Variants in RENBP observed in about 807,000 individuals in gnomAD.
The protein encoded by RENBP is N-acylglucosamine 2-epimerase.
A neutral mutation model predicts 37.8 loss-of-function variants in RENBP; 16 were observed. The ratio of observed to expected loss-of-function variants is 0.42; its 90% CI spans 0.29 to 0.64. RENBP has a LOEUF of 0.64. Among genes scored for constraint, RENBP ranks in the 30% least tolerant of loss-of-function variants. The probability of loss-of-function intolerance (pLI) is 0.19; values close to 1 mark genes in which losing one functional copy is unlikely to be tolerated. For missense variants in RENBP, 347 were observed against 379.5 expected (o/e 0.91, Z 0.71); for synonymous variants, 170 against 154.8 (o/e 1.10, Z -0.73).
At chrX:153,944,057 C>G in intron 3 of RENBP, 23 bp downstream of exon 3, 1 of 1,207,627 alleles carries the variant, frequency 8.3e-7, no homozygotes, top group Non-Finnish European at 1.1e-6. Flanking sequence ...TGTGCCTGAG[C>G]TTCCAGGCTG....
chrX:153,940,183 G>A lies in RENBP; in HGVS notation c.996C>T (p.Ala332=). 1 of 1,210,394 alleles carries A rather than the reference G, an allele frequency of 8.3e-7. No individual in the cohort carries two copies. The highest frequency in any genetic ancestry group is 1.7e-5 in the African/African-American group (1 of 57,617). ...CACTGTCACTGTAACCCATGAGGAA[G>A]GCAATCATGGCTTCACTGTGTGGCC... The part of the protein sequence containing the change: ...LWWPHSEAMI[A]FLMGYSDSGD... The change falls in exon 9 of 11, where the codon GCC becomes GCT. Residue 332 remains alanine (A), a synonymous_variant. Coordinates refer to ENST00000393700, the MANE Select transcript of RENBP (RefSeq NM_002910.6).
chrX:153,938,079 T>C (rs1557108870), intron 9 of RENBP, among the ~76,000 whole-genome samples: 1 of 112,727 alleles, frequency 8.9e-6, no homozygotes, highest in Non-Finnish European at 1.9e-5. Context: ...GTCATCTATA[T>C]CTTATTAAAA....
At chrX:153,940,752 A>T (rs1263853736) in intron 8 of RENBP, among the ~76,000 whole-genome samples, 2 of 112,231 alleles carry the variant, frequency 1.8e-5, no homozygotes, top group Non-Finnish European at 3.8e-5. Flanking sequence ...TACAAATGCC[A>T]TGGCAACGTC....
chrX:153,943,618 G>A lies in RENBP; in HGVS notation c.390C>T (p.Thr130=), dbSNP rs377382765. 54 of 1,210,123 alleles carry A rather than the reference G, an allele frequency of 4.5e-5. No individual in the cohort carries two copies. Among genetic ancestry groups the A allele is most frequent in the Non-Finnish European group, 5.8e-5 (52 of 895,162 alleles). Residue 130 remains threonine, a synonymous_variant, in exon 5 of 11, where the codon ACC becomes ACT. Coordinates refer to ENST00000393700, the MANE Select transcript of RENBP (RefSeq NM_002910.6). ...TGGTGTAGAAACACTCACTGAAGATGGTTCGCTGCACCTTGACCGGGCGGC... is the reference window on the plus strand; with the variant it reads ...TGGTGTAGAAACACTCACTGAAGATAGTTCGCTGCACCTTGACCGGGCGGC... ...RDGRPVKVQR[T]IFSECFYTMA...
chrX:153,943,868 G>A (rs1569546465), intron 4 of RENBP, 27 bp downstream of exon 4: 5 of 1,175,643 alleles, frequency 4.3e-6, no homozygotes, highest in Non-Finnish European at 5.7e-6. Context: ...GGAGTCACTG[G>A]GAGATGGGCA....
chrX:153,940,040 C>G, intron 9 of RENBP, 62 bp downstream of exon 9: 1 of 1,180,770 alleles, frequency 8.5e-7, no homozygotes, highest in Non-Finnish European at 1.1e-6. Context: ...AGAGCGCAGC[C>G]GGGCCAGACT....
chrX:153,935,836 C>T (rs1279968875), intron 9 of RENBP, among the ~76,000 whole-genome samples: 1 of 113,039 alleles, frequency 8.8e-6, no homozygotes, highest in South Asian at 3.5e-4. Flanking sequence ...GGTGTAGAAA[C>T]GTTGTCTATC....
intron 9 of RENBP, among the ~76,000 whole-genome samples, chrX:153,936,558 GCGACGA>G (rs1413593382): frequency 9.1e-6 from 1 of 109,635 alleles, no homozygotes; most frequent in Non-Finnish European, 1.9e-5. Context: ...CCTGATGGAG[GCGACGA>G]CCTGTCATGA....
intron 7 of RENBP, 114 bp from the exon 8 acceptor site, chrX:153,941,767 GCT>G (rs2065227666): frequency 2.7e-6 from 2 of 748,332 alleles, no homozygotes; most frequent in Non-Finnish European, 1.9e-6. Flanking sequence ...AATGAGCGAG[GCT>G]CTGAGCTCCC....
chrX:153,941,950 C>CCCCCGGGGGGGGGG lies in RENBP; in HGVS notation c.768_769insCCCCCCCCCCGGGG (p.Gly257ProfsTer31). The stretch of plus-strand genomic sequence containing the variant: ...GCCCCCAGCCCACCCCGCCCCTCAC[C>CCCCCGGGGGGGGGG]TGGGTTCTGCTGTCTCCCCAGGCAG... On this transcript the variant is annotated frameshift_variant and splice_region_variant, in exon 7 of 11. Coordinates refer to ENST00000393700, the MANE Select transcript of RENBP (RefSeq NM_002910.6). LOFTEE classifies it high-confidence loss of function. 8.8e-7 allele frequency: 1 copy of CCCCCGGGGGGGGGG among 1,130,627 alleles called. No homozygotes were observed. Among genetic ancestry groups the CCCCCGGGGGGGGGG allele is most frequent in the Non-Finnish European group, 1.2e-6 (1 of 823,197 alleles). 93.2% of individuals were successfully genotyped at this position (1,130,627 alleles called of 1,213,427 possible). A position where few individuals can be genotyped will look rare whatever the true frequency, so the allele number is the denominator to read the frequency against.
Sources: gnomAD v4.1 joint callset for allele counts (sites outside exome capture counted in the v4.1 genomes callset) on GRCh38, gnomAD v4.1.1 for gene constraint, MANE v1.5 for transcripts, NCBI Gene and HGNC (gene_info 2026-07-23, HGNC 2026-07-21) for gene names.